SYT2: variants seen among roughly 807,000 people sequenced by gnomAD.
SYT2 encodes the protein synaptotagmin-2.
In SYT2, 15 loss-of-function variants were observed where a neutral mutation model predicts 39.9. The observed-to-expected ratio is 0.38, with a 90% CI of 0.25 to 0.58. The LOEUF (loss-of-function observed/expected upper bound fraction) is 0.58. Ranked by LOEUF, SYT2 falls within the 20% of genes least tolerant of loss-of-function variation. SYT2 has a pLI of 0.70. For synonymous variants in SYT2, 181 were observed against 204.5 expected, an observed-to-expected ratio of 0.89 and a Z score of 0.98; for missense variants, 389 against 530.3, an observed-to-expected ratio of 0.73 and a Z score of 2.62.
intron 1 of SYT2, among the ~76,000 whole-genome samples, chr1:202,654,072 C>T (rs993870821): frequency 1.3e-5 from 2 of 152,162 alleles, no homozygotes; most frequent in Non-Finnish European, 2.9e-5. Flanking sequence ...CCACTCTAGG[C>T]CCCAAAAAGA....
intron 1 of SYT2, among the ~76,000 whole-genome samples, chr1:202,688,639 C>A (rs1653734868): frequency 6.6e-6 from 1 of 152,166 alleles, no homozygotes; most frequent in South Asian, 2.1e-4. Flanking sequence ...TTACATGAGA[C>A]CTTGAAGAGA....
At position 202,594,956 on chromosome 1, in the gene SYT2, C is replaced by T. The variant is rs1690235236; in HGVS notation, c.*1801G>A. 1 of 152,300 alleles carries T rather than the reference C, an allele frequency of 6.6e-6. No homozygotes were observed. Among genetic ancestry groups the T allele is most frequent in the African/African-American group, 2.4e-5 (1 of 41,474 alleles). 9.4% of individuals were successfully genotyped at this position (152,300 alleles called of 1,614,324 possible). On this transcript the variant is annotated 3_prime_UTR_variant, in exon 9 of 9. Transcript: ENST00000367268. ...CCTCAAAGCCTGATTCCCTCCAACA[C>T]TGTCCATCTGTCTTGGGTGTCTACA... is the stretch of plus-strand genomic sequence containing the variant.
intron 1 of SYT2, among the ~76,000 whole-genome samples, chr1:202,662,793 A>T (rs1392325386): frequency 1.3e-5 from 2 of 152,226 alleles, no homozygotes; most frequent in Non-Finnish European, 2.9e-5. Flanking sequence ...CCTCAGGATC[A>T]TCACCTGTAA....
At position 202,628,212 on chromosome 1, in the gene SYT2, C is replaced by A. The variant is rs1266861802; in HGVS notation, c.-17-22423G>T. ...CCATTTTGTAATTGAGGAAACTGGG[C>A]CTCAGGGGGAGCGAAACAGGTCACT... On this transcript the variant is annotated intron_variant, in intron 1 of 8. Coordinates refer to ENST00000367268, the MANE Select transcript of SYT2 (RefSeq NM_177402.5). The surrounding 1 kb of genome is among the most constrained non-coding windows in gnomAD (Gnocchi z 4.2). Among the ~76,000 whole-genome samples the A allele has an allele frequency of 1.3e-5, 2 of 152,266 alleles. No individual in the cohort carries two copies. Among genetic ancestry groups the A allele is most frequent in the East Asian group, 1.9e-4 (1 of 5,182 alleles).
intron 7 of SYT2, 58 bp downstream of exon 7, chr1:202,600,299 C>G (rs1231662009): frequency 7.0e-7 from 1 of 1,438,478 alleles, no homozygotes; most frequent in Non-Finnish European, 9.8e-7. Flanking sequence ...AACTCTGGGA[C>G]TTGGTGCTGA....
chr1:202,702,577 T>C (rs1354146095), intron 1 of SYT2, among the ~76,000 whole-genome samples: 2 of 152,206 alleles, frequency 1.3e-5, no homozygotes, highest in African/African-American at 4.8e-5. Flanking sequence ...GTCCTAGGTC[T>C]GCTTCCCTCC....
chr1:202,624,604 G>T (rs1397152365), intron 1 of SYT2, among the ~76,000 whole-genome samples: 1 of 147,392 alleles, frequency 6.8e-6, no homozygotes, highest in African/African-American at 2.5e-5. Context: ...TATCTGTGTG[G>T]TGTGTGTGGT....
intron 1 of SYT2, among the ~76,000 whole-genome samples, chr1:202,626,398 CT>C (rs58802666): frequency 0.16 from 11,626 of 72,290 alleles, 894 homozygotes; most frequent in African/African-American, 0.28. Context: ...AGCCTCTCAG[CT>C]TTTTTTTTTT....
intron 6 of SYT2, among the ~76,000 whole-genome samples, chr1:202,600,925 C>A (rs1690482726): frequency 6.6e-6 from 1 of 152,208 alleles, no homozygotes; most frequent in African/African-American, 2.4e-5. Context: ...AGCCTTCTTT[C>A]CCTTAACAGT....
At chr1:202,672,218 T>C (rs1692603745) in intron 1 of SYT2, among the ~76,000 whole-genome samples, 1 of 152,270 alleles carries the variant, frequency 6.6e-6, no homozygotes, top group Admixed American at 6.5e-5. Context: ...TGCAGTGCTA[T>C]GGACTGAATG....
chr1:202,682,927 A>G (rs796652465), intron 1 of SYT2, among the ~76,000 whole-genome samples: 10 of 152,326 alleles, frequency 6.6e-5, no homozygotes, highest in African/African-American at 2.4e-4. Flanking sequence ...CCTAGTAGAA[A>G]CATGAGCAGA....
intron 1 of SYT2, among the ~76,000 whole-genome samples, chr1:202,615,224 C>T (rs1558431102): frequency 6.6e-6 from 1 of 152,142 alleles, no homozygotes. Context: ...CCAACAAAAC[C>T]AGGAGGCCAT....
chr1:202,616,651 C>T (rs906147416), intron 1 of SYT2, among the ~76,000 whole-genome samples: 1 of 152,230 alleles, frequency 6.6e-6, no homozygotes, highest in African/African-American at 2.4e-5. Context: ...CACAAGGTCA[C>T]TAAACCCAGG....
chr1:202,619,945 A>G (rs538545472), intron 1 of SYT2, among the ~76,000 whole-genome samples: 4 of 152,336 alleles, frequency 2.6e-5, no homozygotes, highest in African/African-American at 9.6e-5. Context: ...TCAGACAGGT[A>G]GTAAGTGACC....
chr1:202,611,608 G>A (rs1453990613), intron 1 of SYT2, among the ~76,000 whole-genome samples: 1 of 151,984 alleles, frequency 6.6e-6, no homozygotes, highest in Non-Finnish European at 1.5e-5. Flanking sequence ...TGGCCTCCTC[G>A]GCCTCCCAAA....
chr1:202,608,223 G>A (rs1690770922), intron 1 of SYT2, among the ~76,000 whole-genome samples: 1 of 151,686 alleles, frequency 6.6e-6, no homozygotes, highest in Admixed American at 6.6e-5. Flanking sequence ...GTTGTAGCAT[G>A]TATCAGTATT....
At chr1:202,618,268 C>G (rs1691103972) in intron 1 of SYT2, among the ~76,000 whole-genome samples, 1 of 152,120 alleles carries the variant, frequency 6.6e-6, no homozygotes, top group African/African-American at 2.4e-5. Flanking sequence ...TCCCAGGGTC[C>G]CCCCGTGCAG....
At chr1:202,670,373 C>T (rs748386228) in intron 1 of SYT2, among the ~76,000 whole-genome samples, 4 of 152,152 alleles carry the variant, frequency 2.6e-5, no homozygotes, top group Non-Finnish European at 5.9e-5. Flanking sequence ...CCCTGCATTG[C>T]TAAATTTCCT....
intron 5 of SYT2, 121 bp downstream of exon 5, chr1:202,602,257 C>T: frequency 7.9e-7 from 1 of 1,267,458 alleles, no homozygotes; most frequent in Non-Finnish European, 1.1e-6. Context: ...GGTAGCCCTG[C>T]AGTCAAGGCT....
Sources: gnomAD v4.1 joint callset for allele counts (sites outside exome capture counted in the v4.1 genomes callset) on GRCh38, gnomAD v4.1.1 for gene constraint, Gnocchi (gnomAD v3.1) non-coding constraint, MANE v1.5 for transcripts, NCBI Gene and HGNC (gene_info 2026-07-23, HGNC 2026-07-21) for gene names.